The following ABAT variants were observed in gnomAD, a reference collection of about 807,000 sequenced individuals.
ABAT encodes 4-aminobutyrate aminotransferase.
Under a neutral mutation model 64.6 loss-of-function variants are expected in ABAT, and 45 were observed. That is an observed-to-expected ratio of 0.70 (90% CI 0.55 to 0.89). ABAT has a LOEUF of 0.89. Among genes scored for constraint, ABAT ranks in the 40% least tolerant of loss-of-function variants. The pLI is 0.00. For synonymous variants in ABAT, 297 were observed against 250.5 expected, an observed-to-expected ratio of 1.19 and a Z score of -1.75; for missense variants, 633 against 658.4, an observed-to-expected ratio of 0.96 and a Z score of 0.42.
intron 1 of ABAT, among the ~76,000 whole-genome samples, chr16:8,678,655 C>T (rs908361759): frequency 1.3e-5 from 2 of 152,164 alleles, no homozygotes; most frequent in Non-Finnish European, 2.9e-5. Flanking sequence ...TGAAAAATCT[C>T]ACACAGAAAT....
At chr16:8,711,726 A>G (rs566298251) in intron 1 of ABAT, among the ~76,000 whole-genome samples, 7 of 94,730 alleles carry the variant, frequency 7.4e-5, no homozygotes, top group Admixed American at 6.9e-4. Context: ...ATGGATGGGA[A>G]GATGGATGGG....
At chr16:8,735,855 C>A (rs1227887839) in intron 2 of ABAT, 46 bp downstream of exon 2, 1 of 1,524,064 alleles carries the variant, frequency 6.6e-7, no homozygotes, top group Non-Finnish European at 8.9e-7. Flanking sequence ...ATGGAAGATA[C>A]CATCCAGACT....
In ABAT at chr16:8,691,369, T is replaced by A. The variant is rs7197787; in HGVS notation, c.-42+16658T>A. ...CTTGCACCTGCCTGCAGTTAATACATCACATTGGAGCAGATAACCTGCCAC... is the reference window on the plus strand; with the variant it reads ...CTTGCACCTGCCTGCAGTTAATACAACACATTGGAGCAGATAACCTGCCAC... On this transcript the variant is annotated intron_variant, in intron 1 of 15. Transcript: ENST00000268251. 4.1e-3 allele frequency among the ~76,000 whole-genome samples: 620 copies of A among 152,112 alleles called. 6 individuals carry two copies. Among genetic ancestry groups the A allele is most frequent in the African/African-American group, 0.014 (601 of 41,518 alleles).
Position 8,732,188 on chromosome 16 carries a change from T to C in ABAT, c.-41-3511T>C, listed in dbSNP as rs568620787. Among the ~76,000 whole-genome samples, 24 of 5,876 alleles carry C rather than the reference T, an allele frequency of 4.1e-3. 1 individual carries two copies. Among genetic ancestry groups the C allele is most frequent in the African/African-American group, 4.6e-3 (23 of 4,986 alleles). 3.9% of individuals were successfully genotyped at this position (5,876 alleles called of 152,430 possible). A position where few individuals can be genotyped will look rare whatever the true frequency, so the allele number is the denominator to read the frequency against. On this transcript the variant is annotated intron_variant, in intron 1 of 15. Coordinates refer to ENST00000268251, the MANE Select transcript of ABAT (RefSeq NM_020686.6). The stretch of plus-strand genomic sequence containing the variant: ...TTTCTAGGAGGTTGACTACTTTAGG[T>C]TTTTTTTGTTTTTTTTTTTTGTTTG...
intron 12 of ABAT, among the ~76,000 whole-genome samples, chr16:8,773,234 C>G (rs1482553683): frequency 3.3e-5 from 5 of 151,952 alleles, no homozygotes; most frequent in African/African-American, 2.4e-5. Context: ...TCACTGCAAC[C>G]CCTACCTCCC....
Position 8,764,836 on chromosome 16 carries a change from GT to G in ABAT, c.540+9del. The G allele has an allele frequency of 3.1e-6, 5 of 1,607,292 alleles. No individual in the cohort carries two copies. Among genetic ancestry groups the G allele is most frequent in the Non-Finnish European group, 4.2e-6 (5 of 1,176,852 alleles). On this transcript the variant is annotated splice_region_variant and intron_variant, in intron 8 of 15. Coordinates refer to ENST00000268251, the MANE Select transcript of ABAT (RefSeq NM_020686.6). The surrounding 1 kb of genome is among the most constrained non-coding windows in gnomAD (Gnocchi z 4.2). ...CCATCTTCATGTGGTACCGGGTGAG[GT>G]TTGGGGCACACACACACACACACAC...
intron 1 of ABAT, chr16:8,722,965 A>ATG: frequency 3.3e-6 from 3 of 919,690 alleles, no homozygotes; most frequent in Non-Finnish European, 4.5e-6. Context: ...CCAGCCAGGC[A>ATG]AGGTGGCTCA....
At chr16:8,702,912 G>T (rs1469379747) in intron 1 of ABAT, among the ~76,000 whole-genome samples, 1 of 152,136 alleles carries the variant, frequency 6.6e-6, no homozygotes, top group Non-Finnish European at 1.5e-5. Context: ...CAGGGGAAAT[G>T]ATGGAGGCAG....
chr16:8,696,819 C>T (rs1022236824), intron 1 of ABAT, among the ~76,000 whole-genome samples: 1 of 152,118 alleles, frequency 6.6e-6, no homozygotes, highest in Admixed American at 6.6e-5. Context: ...CAAGCTGACC[C>T]CAGGGCATCC....
intron 1 of ABAT, among the ~76,000 whole-genome samples, chr16:8,711,234 C>T (rs1417774888): frequency 1.2e-4 from 19 of 152,112 alleles, no homozygotes; most frequent in Admixed American, 1.2e-3. Flanking sequence ...GTGAATATGG[C>T]CAAATATTTC....
intron 1 of ABAT, among the ~76,000 whole-genome samples, chr16:8,721,553 C>G (rs1273395): frequency 6.6e-6 from 1 of 152,206 alleles, no homozygotes; most frequent in African/African-American, 2.4e-5. Flanking sequence ...AGACCTTGAA[C>G]AAGCCTTTTA....
At chr16:8,710,452 G>A (rs1254529811) in intron 1 of ABAT, among the ~76,000 whole-genome samples, 4 of 152,012 alleles carry the variant, frequency 2.6e-5, no homozygotes, top group African/African-American at 9.7e-5. Flanking sequence ...TTAGAGAGAT[G>A]AGAGGCTGGG....
intron 5 of ABAT, among the ~76,000 whole-genome samples, chr16:8,753,767 A>G (rs1460853997): frequency 6.6e-6 from 1 of 152,178 alleles, no homozygotes; most frequent in African/African-American, 2.4e-5. Flanking sequence ...GGGGAGTGCC[A>G]GGGATGAATG....
At position 8,764,774 on chromosome 16, in the gene ABAT, G is replaced by A. The variant is rs750911984; in HGVS notation, c.484G>A (p.Ala162Thr). Residue 162 changes from alanine to threonine, a missense_variant, in exon 8 of 16, where the codon GCC becomes ACC. By Grantham distance (58) the Ala-to-Thr change is moderately conservative. Transcript: ENST00000268251. This position sits in a 1 kb window ranked among gnomAD's most constrained non-coding sequence, Gnocchi z 4.2. ...PKGMSQLITMACGSCSNENAL... is the reference protein window; with the variant it reads ...PKGMSQLITMTCGSCSNENAL... ...AGGGATGTCCCAGCTCATCACCATG[G>A]CCTGCGGCTCCTGCTCCAATGAAAA... The A allele has an allele frequency of 6.8e-6, 11 of 1,613,996 alleles. No homozygotes were observed. The East Asian group carries it at 2.5e-4, about 36-fold the overall frequency.
chr16:8,709,583 A>T (rs1274797668), intron 1 of ABAT, among the ~76,000 whole-genome samples: 1 of 152,198 alleles, frequency 6.6e-6, no homozygotes, highest in African/African-American at 2.4e-5. Context: ...CATGTTGGCC[A>T]AGCTGGTCTC....
intron 2 of ABAT, among the ~76,000 whole-genome samples, chr16:8,740,986 A>G (rs1168093473): frequency 6.6e-6 from 1 of 152,248 alleles, no homozygotes; most frequent in Non-Finnish European, 1.5e-5. Context: ...GTTTGGGAAC[A>G]CGACATTCGT....
At position 8,766,138 on chromosome 16, in the gene ABAT, T is replaced by G. The variant is rs1325046825; in HGVS notation, c.541-70T>G. ...CTACTTGTCTGGACTGAATATCGGTTTGGTTGGAAAGATGAAGCCCCGACT... is the reference window on the plus strand; with the variant it reads ...CTACTTGTCTGGACTGAATATCGGTGTGGTTGGAAAGATGAAGCCCCGACT... On this transcript the variant is annotated intron_variant, in intron 8 of 15. Transcript: ENST00000268251. The G allele has an allele frequency of 2.8e-6, 4 of 1,433,980 alleles. No homozygotes were observed. In the African/African-American group the frequency reaches 5.6e-5, roughly 20 times the overall value. The allele number at this position is 1,433,980 out of a possible 1,614,324, so 88.8% of individuals were successfully genotyped here.
At chr16:8,736,387 G>T (rs191294132) in intron 2 of ABAT, 64 of 161,722 alleles carry the variant, frequency 4.0e-4, no homozygotes, top group African/African-American at 1.3e-3. Context: ...CAAGTGCCTC[G>T]GTCTGATGGG....
intron 1 of ABAT, among the ~76,000 whole-genome samples, chr16:8,689,458 C>A (rs1843256646): frequency 6.6e-6 from 1 of 152,156 alleles, no homozygotes; most frequent in South Asian, 2.1e-4. Flanking sequence ...AACAATTTGA[C>A]AAAAATGTAT....
Sources: allele counts gnomAD v4.1 joint callset (sites outside exome capture counted in the v4.1 genomes callset), GRCh38; gene constraint gnomAD v4.1.1; non-coding constraint Gnocchi (gnomAD v3.1); transcripts MANE v1.5; gene names NCBI Gene and HGNC (gene_info 2026-07-23, HGNC 2026-07-21).